BMPR1A: variants seen among roughly 807,000 people sequenced by gnomAD.
BMPR1A encodes bone morphogenetic protein receptor type 1A.
Under a neutral mutation model 66.0 loss-of-function variants are expected in BMPR1A, and 7 were observed. The observed-to-expected ratio is 0.11, with a 90% confidence interval of 0.06 to 0.20. The LOEUF is 0.20. Ranked by LOEUF, BMPR1A falls within the 10% of genes least tolerant of loss-of-function variation. The pLI, the probability that BMPR1A is intolerant of heterozygous loss-of-function variation, is 1.00. For missense variants in BMPR1A, 408 were observed against 669.1 expected (o/e 0.61, Z 4.31); for synonymous variants, 200 against 229.7 (o/e 0.87, Z 1.17).
rs759424209 is a variant in BMPR1A at position 86,884,394 on chromosome 10, A to ATTTTTTTTTTTTTTTTTTTTT, written c.68-5651_68-5631dup. Among the ~76,000 whole-genome samples the ATTTTTTTTTTTTTTTTTTTTT allele has an allele frequency of 6.1e-5, 3 of 49,328 alleles. 1 individual carries two copies. Among genetic ancestry groups the ATTTTTTTTTTTTTTTTTTTTT allele is most frequent in the Non-Finnish European group, 1.3e-4 (3 of 22,330 alleles). The allele number at this position is 49,328 out of a possible 152,430, so 32.4% of individuals were successfully genotyped here. A position where few individuals can be genotyped will look rare whatever the true frequency, so the allele number is the denominator to read the frequency against. On this transcript the variant is annotated intron_variant, in intron 3 of 12. Coordinates refer to ENST00000372037, the MANE Select transcript of BMPR1A (RefSeq NM_004329.3). ...AGCCACCATGCCTGGCAAACACATG[A>ATTTTTTTTTTTTTTTTTTTTT]TTTTTTTTTTTTTTTTTTTTTTTTT...
chr10:86,866,221 CTTT>C (rs567037609), intron 2 of BMPR1A, among the ~76,000 whole-genome samples: 6 of 123,992 alleles, frequency 4.8e-5, no homozygotes, highest in Admixed American at 8.3e-5. Context: ...GAAGAGGGAG[CTTT>C]TTTTTTTTTT....
rs1554885987 is a variant in BMPR1A at position 86,866,408 on chromosome 10, T to TTTTCTTTTTTTTTTC, written c.-152-9456_-152-9455insCTTTTTTTTTTCTTT. Among the ~76,000 whole-genome samples the TTTTCTTTTTTTTTTC allele has an allele frequency of 1.8e-5, 2 of 110,446 alleles. 1 individual carries two copies. The highest frequency in any genetic ancestry group is 8.7e-5 in the African/African-American group (2 of 22,914). The allele number at this position is 110,446 out of a possible 152,430, so 72.5% of individuals were successfully genotyped here. A position where few individuals can be genotyped will look rare whatever the true frequency, so the allele number is the denominator to read the frequency against. ...TTGGGCAAGTTTCTTTCTTTTTTTT[T>TTTTCTTTTTTTTTTC]TTTTTTTTTTTTTTTTTTGAGATGG... is the stretch of plus-strand genomic sequence containing the variant. On this transcript the variant is annotated intron_variant, in intron 2 of 12. Coordinates refer to ENST00000372037, the MANE Select transcript of BMPR1A (RefSeq NM_004329.3).
intron 1 of BMPR1A, among the ~76,000 whole-genome samples, chr10:86,823,232 C>T (rs1842145305): frequency 6.6e-6 from 1 of 152,168 alleles, no homozygotes. Context: ...ATTATTCTCC[C>T]GTATAAACTT....
At chr10:86,893,131 A>C (rs1392234305) in intron 5 of BMPR1A, among the ~76,000 whole-genome samples, 1 of 152,206 alleles carries the variant, frequency 6.6e-6, no homozygotes, top group Non-Finnish European at 1.5e-5. Flanking sequence ...GTAGATTATA[A>C]AATTTACTGA....
At position 86,775,410 on chromosome 10, in the gene BMPR1A, T is replaced by C. The variant is rs139015827; in HGVS notation, c.-268+18491T>C. ...GATGAGGCTTTCAGTTTCCTGCTTA[T>C]CTCAACACGAAAGTCAAATGTTGTG... On this transcript the variant is annotated intron_variant, in intron 1 of 12. Transcript: ENST00000372037. Among the ~76,000 whole-genome samples the C allele has an allele frequency of 2.4e-4, 37 of 152,290 alleles. 1 individual carries two copies. The East Asian group carries it at 4.6e-3, about 19-fold the overall frequency.
At chr10:86,762,105 G>C (rs1466161823) in intron 1 of BMPR1A, among the ~76,000 whole-genome samples, 2 of 152,298 alleles carry the variant, frequency 1.3e-5, no homozygotes, top group East Asian at 3.9e-4. Context: ...GGAGGGAAAA[G>C]CTTCTCCCCA....
At chr10:86,896,196 A>T (rs952880032) in intron 5 of BMPR1A, among the ~76,000 whole-genome samples, 8 of 150,704 alleles carry the variant, frequency 5.3e-5, no homozygotes, top group African/African-American at 1.7e-4. Flanking sequence ...AGGTGGGAGG[A>T]TGACTTGAGC....
intron 1 of BMPR1A, among the ~76,000 whole-genome samples, chr10:86,758,893 C>A (rs368170511): frequency 6.6e-6 from 1 of 152,210 alleles, no homozygotes; most frequent in African/African-American, 2.4e-5. Flanking sequence ...GATGCCTCTC[C>A]TTGGGTTTCA....
Position 86,912,756 on chromosome 10 carries a change from A to G in BMPR1A, c.675+372A>G, listed in dbSNP as rs887250737. 2.6e-5 allele frequency among the ~76,000 whole-genome samples: 4 copies of G among 152,330 alleles called. No homozygotes were observed. The South Asian group carries it at 8.3e-4, about 32-fold the overall frequency. On this transcript the variant is annotated intron_variant, in intron 8 of 12. Transcript: ENST00000372037. ...CAGGTATAAGATTCCTTGCATCTGT[A>G]AGTTTAAACTGATTGATTGAGGGAA...
chr10:86,855,639 T>C, intron 2 of BMPR1A: 1 of 676,918 alleles, frequency 1.5e-6, no homozygotes, highest in Non-Finnish European at 2.7e-6. Flanking sequence ...AGTTCACATG[T>C]GGCAGCTTTC....
At chr10:86,780,655 G>A (rs549908874) in intron 1 of BMPR1A, among the ~76,000 whole-genome samples, 1 of 151,682 alleles carries the variant, frequency 6.6e-6, no homozygotes, top group African/African-American at 2.4e-5. Flanking sequence ...GGCTGGTCTC[G>A]AGTTCCTGAC....
In BMPR1A at chr10:86,892,235, A is replaced by C. The variant is rs1473659802; in HGVS notation, c.333+6A>C. Reference sequence around the variant, plus strand: ...GATCTGATTTTCAGTGCAAAGTAAGATATAATTTGGGACCCATGAGACAAA... The same window carrying C: ...GATCTGATTTTCAGTGCAAAGTAAGCTATAATTTGGGACCCATGAGACAAA... On this transcript the variant is annotated splice_donor_region_variant and intron_variant, in intron 5 of 12. Transcript: ENST00000372037. The C allele has an allele frequency of 6.2e-7, 1 of 1,609,794 alleles. No individual in the cohort carries two copies. The highest frequency in any genetic ancestry group is 8.5e-7 in the Non-Finnish European group (1 of 1,176,180).
chr10:86,880,392 C>T (rs1470001325), intron 3 of BMPR1A, among the ~76,000 whole-genome samples: 1 of 152,180 alleles, frequency 6.6e-6, no homozygotes, highest in Non-Finnish European at 1.5e-5. Flanking sequence ...TATTGTAGCA[C>T]TTACCTATGA....
At chr10:86,922,332 T>C (rs138646914) in intron 11 of BMPR1A, among the ~76,000 whole-genome samples, 293 of 152,354 alleles carry the variant, frequency 1.9e-3, no homozygotes, top group Middle Eastern at 0.014. Context: ...CTTCCACATC[T>C]TGGCTATTGT....
chr10:86,900,583 A>G (rs74463984), intron 7 of BMPR1A, among the ~76,000 whole-genome samples: 19 of 152,328 alleles, frequency 1.2e-4, no homozygotes, highest in African/African-American at 4.1e-4. Context: ...ATACCAACCT[A>G]GATACATTAA....
chr10:86,773,854 C>T (rs868143542), intron 1 of BMPR1A, among the ~76,000 whole-genome samples: 2 of 142,136 alleles, frequency 1.4e-5, no homozygotes, highest in African/African-American at 5.2e-5. Flanking sequence ...GTATTTCATT[C>T]TTTTTTTTTT....
At chr10:86,888,457 GA>G (rs911474273) in intron 3 of BMPR1A, among the ~76,000 whole-genome samples, 56 of 152,090 alleles carry the variant, frequency 3.7e-4, no homozygotes, top group African/African-American at 1.3e-3. Flanking sequence ...GACAGAGTGA[GA>G]CTCTATCTCA....
In BMPR1A at chr10:86,855,188, G is replaced by A. The variant is rs555206831; in HGVS notation, c.-153+16209G>A. The A allele has an allele frequency of 5.4e-5, 31 of 577,760 alleles. No individual in the cohort carries two copies. In the South Asian group the frequency reaches 6.5e-4, roughly 12 times the overall value. 35.8% of individuals were successfully genotyped at this position (577,760 alleles called of 1,614,324 possible). A position where few individuals can be genotyped will look rare whatever the true frequency, so the allele number is the denominator to read the frequency against. On this transcript the variant is annotated intron_variant, in intron 2 of 12. Transcript: ENST00000372037. ...CAACCTGCTGGGATTACAGGCGTGA[G>A]CCACCACACCCTGCGTCGCTAAGTT...
chr10:86,793,044 T>C (rs111445209), intron 1 of BMPR1A, among the ~76,000 whole-genome samples: 5 of 152,194 alleles, frequency 3.3e-5, no homozygotes, highest in African/African-American at 9.6e-5. Context: ...TCTGCCTTAA[T>C]GCAGTCTTCT....
Sources: allele counts gnomAD v4.1 joint callset (sites outside exome capture counted in the v4.1 genomes callset), GRCh38; gene constraint gnomAD v4.1.1; transcripts MANE v1.5; gene names NCBI Gene and HGNC (gene_info 2026-07-23, HGNC 2026-07-21).